The following MEF2D variants were observed in gnomAD, a reference collection of about 807,000 sequenced individuals.
The protein encoded by MEF2D is myocyte-specific enhancer factor 2D.
Under a neutral mutation model 59.3 loss-of-function variants are expected in MEF2D, and 10 were observed. That is an observed-to-expected ratio of 0.17 (90% confidence interval 0.10 to 0.29). The LOEUF (loss-of-function observed/expected upper bound fraction) is 0.29, where lower values mean the gene tolerates loss of function less well. MEF2D is among the 10% of genes least tolerant of loss of function. MEF2D has a pLI of 1.00. For missense variants in MEF2D, 508 were observed against 699.4 expected (o/e 0.73, Z 3.09); for synonymous variants, 305 against 295.0 (o/e 1.03, Z -0.35).
chr1:156,475,126 G>A lies in MEF2D; in HGVS notation c.988C>T (p.Pro330Ser), dbSNP rs199562852. The A allele has an allele frequency of 1.9e-4, 311 of 1,614,084 alleles. No homozygotes were observed. The highest frequency in any genetic ancestry group is 2.5e-4 in the Non-Finnish European group (294 of 1,180,024). ...LSQGLPFSSM[P>S]TAYNTDYQLT... ...CACTCACCTGTGTTGTAGGCAGTGG[G>A]CATGGAAGAGAAGGGGAGGCCCTGG... The change falls in exon 9 of 12, where the codon CCC becomes TCC. Residue 330 changes from proline (P) to serine (S), a missense_variant. Pro to Ser is a moderately conservative substitution (Grantham distance 74). This residue lies in a region of MEF2D where 481 missense variants were observed against 584.7 expected (regional missense o/e 0.82). Coordinates refer to ENST00000348159, the MANE Select transcript of MEF2D (RefSeq NM_005920.4).
chr1:156,497,696 G>T (rs574088500), intron 1 of MEF2D, among the ~76,000 whole-genome samples: 2 of 152,228 alleles, frequency 1.3e-5, no homozygotes, highest in East Asian at 3.9e-4. Flanking sequence ...CTTGCTCCTG[G>T]ACTTCCCTTG....
intron 1 of MEF2D, among the ~76,000 whole-genome samples, chr1:156,484,465 T>C (rs1672220238): frequency 6.6e-6 from 1 of 152,236 alleles, no homozygotes. Flanking sequence ...GGGCCAGATT[T>C]GGTCCACGGG....
intron 1 of MEF2D, among the ~76,000 whole-genome samples, chr1:156,497,957 A>G (rs1673227765): frequency 6.6e-6 from 1 of 151,708 alleles, no homozygotes; most frequent in Admixed American, 6.6e-5. Flanking sequence ...CTGGGCCATA[A>G]TCAATGAGGG....
intron 1 of MEF2D, among the ~76,000 whole-genome samples, chr1:156,494,348 C>A (rs1673000826): frequency 6.6e-6 from 1 of 152,060 alleles, no homozygotes; most frequent in South Asian, 2.1e-4. Context: ...AACCCTCAAC[C>A]CTAGGTATTT....
Position 156,467,437 on chromosome 1 carries a change from C to G in MEF2D, c.*208G>C, listed in dbSNP as rs1197860113. 3 of 226,032 alleles carry G rather than the reference C, an allele frequency of 1.3e-5. No individual in the cohort carries two copies. The highest frequency in any genetic ancestry group is 2.3e-5 in the African/African-American group (1 of 42,924). The allele number at this position is 226,032 out of a possible 1,614,324, so 14.0% of individuals were successfully genotyped here. On this transcript the variant is annotated 3_prime_UTR_variant, in exon 12 of 12. Transcript: ENST00000348159. ...TACAGAAAGAGGGGATGAGAGCATC[C>G]CCCTCTCCAAAGCGAGAATCCAAAT...
intron 1 of MEF2D, among the ~76,000 whole-genome samples, chr1:156,496,805 AC>A (rs1673156384): frequency 6.6e-6 from 1 of 152,242 alleles, no homozygotes; most frequent in African/African-American, 2.4e-5. Context: ...ATGCCTGTCT[AC>A]ATGAGACCCT....
chr1:156,477,187 C>G lies in MEF2D; in HGVS notation c.680G>C (p.Ser227Thr). The G allele has an allele frequency of 6.2e-7, 1 of 1,603,732 alleles. No homozygotes were observed. The highest frequency in any genetic ancestry group is 8.5e-7 in the Non-Finnish European group (1 of 1,174,028). Residue 227 changes from serine (S) to threonine (T), a missense_variant, in exon 7 of 12, where the codon AGT (serine) becomes ACT (threonine). This residue lies in a region of MEF2D where 481 missense variants were observed against 584.7 expected (regional missense o/e 0.82). Transcript: ENST00000348159. ...GAGGAGGCCAGGGGAAGCCCGAGCACTGACGTAGCCATTCCCTGGAGAAGT... is the reference window on the plus strand; with the variant it reads ...GAGGAGGCCAGGGGAAGCCCGAGCAGTGACGTAGCCATTCCCTGGAGAAGT... ...CPSPVGNGYVSARASPGLLPV... is the reference protein window; with the variant it reads ...CPSPVGNGYVTARASPGLLPV...
At chr1:156,467,679 A>G in intron 11 of MEF2D, 23 bp from the exon 12 acceptor site, 1 of 1,343,464 alleles carries the variant, frequency 7.4e-7, no homozygotes, top group Non-Finnish European at 9.6e-7. Flanking sequence ...GAGATGGAGA[A>G]GGGGGTGTGA....
At chr1:156,479,122 C>T (rs1211677703) in intron 6 of MEF2D, among the ~76,000 whole-genome samples, 168 bp downstream of exon 6, 1 of 152,216 alleles carries the variant, frequency 6.6e-6, no homozygotes, top group Non-Finnish European at 1.5e-5. Context: ...ATCATTGCTA[C>T]AGAAAACAAA....
intron 9 of MEF2D, among the ~76,000 whole-genome samples, chr1:156,474,717 G>A (rs1214155767): frequency 6.6e-6 from 1 of 152,140 alleles, no homozygotes; most frequent in Non-Finnish European, 1.5e-5. Flanking sequence ...GGCTGAGGCA[G>A]GAGGATCACT....
intron 1 of MEF2D, among the ~76,000 whole-genome samples, chr1:156,492,393 A>C (rs1376712649): frequency 6.6e-6 from 1 of 152,238 alleles, no homozygotes; most frequent in East Asian, 1.9e-4. Context: ...CCAACCAAGC[A>C]TGCGAGGCTG....
Position 156,467,039 on chromosome 1 carries a change from G to C in MEF2D, c.*606C>G, listed in dbSNP as rs1443190980. The C allele has an allele frequency of 2.0e-5, 3 of 152,684 alleles. No individual in the cohort carries two copies. Among genetic ancestry groups the C allele is most frequent in the African/African-American group, 7.2e-5 (3 of 41,454 alleles). 9.5% of individuals were successfully genotyped at this position (152,684 alleles called of 1,614,324 possible). A position where few individuals can be genotyped will look rare whatever the true frequency, so the allele number is the denominator to read the frequency against. On this transcript the variant is annotated 3_prime_UTR_variant, in exon 12 of 12. Coordinates refer to ENST00000348159, the MANE Select transcript of MEF2D (RefSeq NM_005920.4). ...AAGAATCAGCGCAGGTGTGGCACGTGTGTGTGCAGGGGCATTTGGGGGCCA... is the reference window on the plus strand; with the variant it reads ...AAGAATCAGCGCAGGTGTGGCACGTCTGTGTGCAGGGGCATTTGGGGGCCA...
chr1:156,471,938 C>A (rs1044572747), intron 9 of MEF2D, among the ~76,000 whole-genome samples: 1 of 152,216 alleles, frequency 6.6e-6, no homozygotes, highest in African/African-American at 2.4e-5. Flanking sequence ...CAGCAGGGCT[C>A]CAAGGGCGGC....
intron 9 of MEF2D, among the ~76,000 whole-genome samples, chr1:156,470,812 A>C (rs909216017): frequency 3.3e-5 from 5 of 152,196 alleles, no homozygotes; most frequent in African/African-American, 1.2e-4. Flanking sequence ...GAAAATAATC[A>C]AAAGATTTAT....
chr1:156,476,607 T>G, intron 7 of MEF2D, 93 bp from the exon 8 acceptor site: 1 of 1,493,064 alleles, frequency 6.7e-7, no homozygotes, highest in Non-Finnish European at 9.2e-7. Context: ...GTCACCTCTC[T>G]GCATAAGAGT....
intron 9 of MEF2D, among the ~76,000 whole-genome samples, chr1:156,473,418 TGA>T (rs1455933197): frequency 7.9e-5 from 12 of 152,168 alleles, no homozygotes; most frequent in Admixed American, 7.2e-4. Context: ...GAGAAGTTTA[TGA>T]GTCTTTTGGT....
At chr1:156,489,690 A>T (rs1039808396) in intron 1 of MEF2D, among the ~76,000 whole-genome samples, 1 of 152,174 alleles carries the variant, frequency 6.6e-6, no homozygotes, top group Non-Finnish European at 1.5e-5. Flanking sequence ...CAAGAGACAG[A>T]CAAGGGAGGG....
At chr1:156,497,183 A>G (rs1174380398) in intron 1 of MEF2D, among the ~76,000 whole-genome samples, 1 of 152,236 alleles carries the variant, frequency 6.6e-6, no homozygotes, top group Non-Finnish European at 1.5e-5. Context: ...CTTCTAGAAC[A>G]CAGCTTCTAG....
intron 1 of MEF2D, among the ~76,000 whole-genome samples, chr1:156,486,519 T>G (rs1380025051): frequency 6.6e-6 from 1 of 152,194 alleles, no homozygotes; most frequent in East Asian, 1.9e-4. Flanking sequence ...CTCTCTCCCC[T>G]TTACTATCTC....
Sources: gnomAD v4.1 joint callset for allele counts (sites outside exome capture counted in the v4.1 genomes callset) on GRCh38, gnomAD v4.1.1 for gene constraint, gnomAD v4.1.1 regional missense constraint, MANE v1.5 for transcripts, NCBI Gene and HGNC (gene_info 2026-07-23, HGNC 2026-07-21) for gene names.